The following ENOX1 variants were observed in gnomAD, a reference collection of about 807,000 sequenced individuals.
The protein encoded by ENOX1 is ecto-NOX disulfide-thiol exchanger 1.
In ENOX1, 42 loss-of-function variants were observed where a neutral mutation model predicts 82.5. That is an observed-to-expected ratio of 0.51 (90% CI 0.40 to 0.66). The LOEUF (loss-of-function observed/expected upper bound fraction) is 0.66. Ranked by LOEUF, ENOX1 falls within the 30% of genes least tolerant of loss-of-function variation. The probability of loss-of-function intolerance (pLI) is 0.00; values close to 1 mark genes in which losing one functional copy is unlikely to be tolerated. For missense variants in ENOX1, 608 were observed against 811.6 expected, an observed-to-expected ratio of 0.75 and a Z score of 3.05; for synonymous variants, 271 against 282.2, an observed-to-expected ratio of 0.96 and a Z score of 0.40.
intron 3 of ENOX1, among the ~76,000 whole-genome samples, chr13:43,446,418 T>C (rs2153627528): frequency 6.6e-6 from 1 of 152,258 alleles, no homozygotes; most frequent in East Asian, 1.9e-4. Context: ...ACCAGAATTT[T>C]CAGTGGCAAG....
At chr13:43,671,702 A>T (rs1176024016) in intron 1 of ENOX1, among the ~76,000 whole-genome samples, 2 of 152,132 alleles carry the variant, frequency 1.3e-5, no homozygotes, top group African/African-American at 4.8e-5. Context: ...CAGGAAAGGG[A>T]CTGGAATCCT....
chr13:43,279,295 C>CAT (rs2045240092), intron 12 of ENOX1, among the ~76,000 whole-genome samples: 1 of 152,168 alleles, frequency 6.6e-6, no homozygotes. Context: ...AATGAAGCTG[C>CAT]ATGTCGGCAT....
intron 11 of ENOX1, among the ~76,000 whole-genome samples, chr13:43,307,996 G>A (rs933911879): frequency 2.3e-4 from 35 of 152,198 alleles, no homozygotes; most frequent in African/African-American, 8.0e-4. Flanking sequence ...ATTCGCAGAG[G>A]CTTTTCTCCT....
chr13:43,338,196 A>C (rs2048825678), intron 9 of ENOX1, among the ~76,000 whole-genome samples: 1 of 152,214 alleles, frequency 6.6e-6, no homozygotes, highest in African/African-American at 2.4e-5. Flanking sequence ...TAATAACTGA[A>C]TGTGGTAGTC....
intron 1 of ENOX1, among the ~76,000 whole-genome samples, chr13:43,734,183 A>C (rs1013942643): frequency 6.6e-6 from 1 of 151,564 alleles, no homozygotes; most frequent in Admixed American, 6.6e-5. Context: ...TGGAACTAAG[A>C]GACAATTTTG....
chr13:43,759,661 T>G (rs1480303402), intron 1 of ENOX1, among the ~76,000 whole-genome samples: 1 of 152,202 alleles, frequency 6.6e-6, no homozygotes, highest in African/African-American at 2.4e-5. Context: ...TTGATAAACA[T>G]TTTAAAAATA....
At chr13:43,465,006 A>C (rs2153640365) in intron 3 of ENOX1, among the ~76,000 whole-genome samples, 1 of 152,348 alleles carries the variant, frequency 6.6e-6, no homozygotes, top group South Asian at 2.1e-4. Context: ...CACCGAGGTA[A>C]GGTAAACTTC....
intron 1 of ENOX1, among the ~76,000 whole-genome samples, chr13:43,775,474 C>G (rs187871849): frequency 6.6e-6 from 1 of 152,250 alleles, no homozygotes; most frequent in East Asian, 1.9e-4. Context: ...GAGTTTTCTT[C>G]TGCTAAAGCT....
chr13:43,766,607 C>T (rs1391278883), intron 1 of ENOX1, among the ~76,000 whole-genome samples: 2 of 152,064 alleles, frequency 1.3e-5, no homozygotes, highest in Non-Finnish European at 1.5e-5. Flanking sequence ...ATTCAGGGAA[C>T]GGTTATGAGC....
intron 2 of ENOX1, among the ~76,000 whole-genome samples, chr13:43,661,421 A>C (rs965371262): frequency 2.0e-5 from 3 of 152,212 alleles, no homozygotes; most frequent in African/African-American, 4.8e-5. Flanking sequence ...GACAAGTCTG[A>C]ACACAGATGC....
chr13:43,240,726 A>C (rs1429758363), intron 14 of ENOX1, among the ~76,000 whole-genome samples: 2 of 152,170 alleles, frequency 1.3e-5, no homozygotes, highest in Non-Finnish European at 2.9e-5. Context: ...ATCTTGTCAA[A>C]ATATTTTGGA....
At chr13:43,747,789 C>A (rs1480270435) in intron 1 of ENOX1, among the ~76,000 whole-genome samples, 1 of 152,174 alleles carries the variant, frequency 6.6e-6, no homozygotes, top group Non-Finnish European at 1.5e-5. Flanking sequence ...CTCTGGACTA[C>A]AGTTTGTTAA....
intron 1 of ENOX1, among the ~76,000 whole-genome samples, chr13:43,668,810 G>C (rs951835628): frequency 6.6e-6 from 1 of 152,182 alleles, no homozygotes; most frequent in East Asian, 1.9e-4. Flanking sequence ...GCTGAGTATT[G>C]AAAAAGGATG....
intron 5 of ENOX1, among the ~76,000 whole-genome samples, chr13:43,364,784 T>C (rs1350969114): frequency 2.0e-5 from 3 of 152,092 alleles, no homozygotes; most frequent in Non-Finnish European, 2.9e-5. Context: ...CCACTTGAGT[T>C]TGAGGAGAGG....
intron 1 of ENOX1, among the ~76,000 whole-genome samples, chr13:43,715,143 A>T (rs1334985301): frequency 6.6e-6 from 1 of 152,064 alleles, no homozygotes; most frequent in East Asian, 1.9e-4. Flanking sequence ...TTGTCTGTAA[A>T]GTATTTTATT....
chr13:43,583,935 C>T (rs946199542), intron 2 of ENOX1, among the ~76,000 whole-genome samples: 2 of 151,950 alleles, frequency 1.3e-5, no homozygotes, highest in African/African-American at 4.8e-5. Context: ...ACAAAAAAAC[C>T]CAGATTGTAA....
intron 12 of ENOX1, among the ~76,000 whole-genome samples, chr13:43,288,985 T>C (rs546270004): frequency 6.6e-5 from 10 of 152,042 alleles, no homozygotes; most frequent in African/African-American, 2.4e-4. Flanking sequence ...ACGAAGAAGA[T>C]AAAATACCTA....
At chr13:43,235,451 G>A (rs941423672) in intron 15 of ENOX1, among the ~76,000 whole-genome samples, 6 of 152,128 alleles carry the variant, frequency 3.9e-5, no homozygotes, top group Non-Finnish European at 7.4e-5. Flanking sequence ...TGCACCCAGG[G>A]ACCAGGCGCG....
intron 12 of ENOX1, among the ~76,000 whole-genome samples, chr13:43,295,732 G>T (rs974015705): frequency 1.3e-5 from 2 of 152,140 alleles, no homozygotes; most frequent in Admixed American, 1.3e-4. Context: ...GAGATTGAAG[G>T]CAGGTTTTAA....
Sources: gnomAD v4.1 joint callset for allele counts (sites outside exome capture counted in the v4.1 genomes callset) on GRCh38, gnomAD v4.1.1 for gene constraint, MANE v1.5 for transcripts, NCBI Gene and HGNC (gene_info 2026-07-23, HGNC 2026-07-21) for gene names.